ERBB4: variants seen among roughly 807,000 people sequenced by gnomAD.
The protein encoded by ERBB4 is receptor tyrosine-protein kinase erbB-4.
A neutral mutation model predicts 158.0 loss-of-function variants in ERBB4; 42 were observed. The observed-to-expected ratio is 0.27, with a 90% CI of 0.21 to 0.34. The LOEUF (loss-of-function observed/expected upper bound fraction) is 0.34. Ranked by LOEUF, ERBB4 falls within the 10% of genes least tolerant of loss-of-function variation. The probability of loss-of-function intolerance (pLI) is 1.00; values close to 1 mark genes in which losing one functional copy is unlikely to be tolerated. For missense variants in ERBB4, 1,333 were observed against 1,624.1 expected (o/e 0.82, Z 3.08); for synonymous variants, 583 against 558.7 (o/e 1.04, Z -0.61).
chr2:211,649,093 C>T (rs538209287), intron 16 of ERBB4, among the ~76,000 whole-genome samples: 2 of 151,870 alleles, frequency 1.3e-5, no homozygotes, highest in East Asian at 1.9e-4. Context: ...TAGGAGTACA[C>T]GCTTAGATCA....
intron 2 of ERBB4, among the ~76,000 whole-genome samples, chr2:212,061,121 T>C (rs761391775): frequency 2.6e-5 from 4 of 151,698 alleles, no homozygotes; most frequent in Non-Finnish European, 4.4e-5. Flanking sequence ...GAAGTTCCCA[T>C]TGAGGACCAG....
intron 1 of ERBB4, among the ~76,000 whole-genome samples, chr2:212,391,197 T>C (rs1274212876): frequency 6.6e-6 from 1 of 151,806 alleles, no homozygotes; most frequent in African/African-American, 2.4e-5. Flanking sequence ...ATTGTTTCTT[T>C]TAGGCGTTCT....
intron 1 of ERBB4, among the ~76,000 whole-genome samples, chr2:212,524,388 C>T (rs1692335515): frequency 6.6e-6 from 1 of 151,976 alleles, no homozygotes; most frequent in South Asian, 2.1e-4. Context: ...TGCCAGGTAA[C>T]TATTCATTCT....
intron 20 of ERBB4, among the ~76,000 whole-genome samples, chr2:211,558,864 C>T (rs987414759): frequency 2.0e-5 from 3 of 152,074 alleles, no homozygotes; most frequent in Non-Finnish European, 2.9e-5. Context: ...TGGCTAACTA[C>T]ATGTAAGATC....
intron 2 of ERBB4, among the ~76,000 whole-genome samples, chr2:211,966,187 T>C (rs977533837): frequency 6.6e-6 from 1 of 152,152 alleles, no homozygotes. Flanking sequence ...GCACTCCAGC[T>C]TGGGCAACAG....
intron 2 of ERBB4, among the ~76,000 whole-genome samples, chr2:212,054,836 G>A (rs960128113): frequency 5.9e-5 from 9 of 152,298 alleles, no homozygotes; most frequent in African/African-American, 2.2e-4. Flanking sequence ...CAAGATGGCC[G>A]AATAGGAACA....
At position 212,382,236 on chromosome 2, in the gene ERBB4, T is replaced by C. The variant is rs775485241; in HGVS notation, c.82+156213A>G. 5.6e-4 allele frequency among the ~76,000 whole-genome samples: 84 copies of C among 149,794 alleles called. No individual in the cohort carries two copies. In the Middle Eastern group the frequency reaches 0.014, roughly 25 times the overall value. On this transcript the variant is annotated intron_variant, in intron 1 of 27. Transcript: ENST00000342788. ...ACAAATATACACACATACATATATA[T>C]ACACATTATATATTTACTATATATT...
chr2:211,679,035 C>T lies in ERBB4; in HGVS notation c.1622+17G>A. The T allele has an allele frequency of 6.2e-7, 1 of 1,602,724 alleles. No homozygotes were observed. The highest frequency in any genetic ancestry group is 8.5e-7 in the Non-Finnish European group (1 of 1,173,194). ...TCAAAGCTCATGAGGTGAAGGCAAC[C>T]CTAGAAGAAGCCTTACCCATCATAG... On this transcript the variant is annotated intron_variant, in intron 13 of 27. Transcript: ENST00000342788.
chr2:212,376,173 G>A (rs539446562), intron 1 of ERBB4, among the ~76,000 whole-genome samples: 1 of 152,136 alleles, frequency 6.6e-6, no homozygotes, highest in African/African-American at 2.4e-5. Flanking sequence ...AAACCATTGT[G>A]CCCAGATCAG....
chr2:212,272,346 T>C (rs913612400), intron 1 of ERBB4, among the ~76,000 whole-genome samples: 2 of 151,698 alleles, frequency 1.3e-5, no homozygotes, highest in East Asian at 3.9e-4. Flanking sequence ...TTCCCATTTA[T>C]TTTTCCTCTT....
intron 1 of ERBB4, among the ~76,000 whole-genome samples, chr2:212,347,986 A>G (rs1055644906): frequency 2.0e-5 from 3 of 152,084 alleles, no homozygotes; most frequent in African/African-American, 7.2e-5. Context: ...CTATTTTTAT[A>G]TATGTTGGAT....
rs916630124 is a variant in ERBB4, at chr2:211,404,200, T to A, written c.3136-16208A>T. Among the ~76,000 whole-genome samples, 11 of 152,210 alleles carry A rather than the reference T, an allele frequency of 7.2e-5. No homozygotes were observed. In the South Asian group the frequency reaches 2.3e-3, roughly 32 times the overall value. Reference sequence around the variant, plus strand: ...ACCGGAGCTCAACTCTTGATTTATCTCTTTTGTTCCCTCTCCCTTGCTGCC... The same window carrying A: ...ACCGGAGCTCAACTCTTGATTTATCACTTTTGTTCCCTCTCCCTTGCTGCC... On this transcript the variant is annotated intron_variant, in intron 25 of 27. Coordinates refer to ENST00000342788, the MANE Select transcript of ERBB4 (RefSeq NM_005235.3).
At chr2:211,639,836 C>CTA (rs2070505853) in intron 16 of ERBB4, among the ~76,000 whole-genome samples, 1 of 152,104 alleles carries the variant, frequency 6.6e-6, no homozygotes, top group Admixed American at 6.6e-5. Context: ...ACTCTCCTGA[C>CTA]TTAGCCTCCC....
intron 20 of ERBB4, among the ~76,000 whole-genome samples, chr2:211,496,859 T>G (rs1350034335): frequency 6.6e-6 from 1 of 152,130 alleles, no homozygotes; most frequent in Admixed American, 6.5e-5. Context: ...TTCATGCCTT[T>G]TGTCAAGTAT....
At chr2:211,899,420 C>T (rs1209143593) in intron 3 of ERBB4, among the ~76,000 whole-genome samples, 1 of 152,058 alleles carries the variant, frequency 6.6e-6, no homozygotes, top group East Asian at 1.9e-4. Context: ...CTACCAGTAA[C>T]ATTTTATATG....
Position 212,286,262 on chromosome 2 carries a change from A to G in ERBB4, c.83-161359T>C, listed in dbSNP as rs1462203281. On this transcript the variant is annotated intron_variant, in intron 1 of 27. Coordinates refer to ENST00000342788, the MANE Select transcript of ERBB4 (RefSeq NM_005235.3). ...ATGAAATACAACCAATATCAGAAGGAAATTATTTTTTAAAACAGTACAAAT... is the reference window on the plus strand; with the variant it reads ...ATGAAATACAACCAATATCAGAAGGGAATTATTTTTTAAAACAGTACAAAT... Among the ~76,000 whole-genome samples the G allele has an allele frequency of 3.3e-5, 5 of 152,178 alleles. No homozygotes were observed. The South Asian group carries it at 6.2e-4, about 19-fold the overall frequency.
intron 2 of ERBB4, among the ~76,000 whole-genome samples, chr2:211,974,975 A>T (rs1023455148): frequency 7.3e-5 from 11 of 151,500 alleles, no homozygotes; most frequent in Non-Finnish European, 1.6e-4. Context: ...TGAATCAAGA[A>T]ATATTATATC....
intron 1 of ERBB4, among the ~76,000 whole-genome samples, chr2:212,328,151 T>C (rs1159124871): frequency 6.6e-6 from 1 of 151,938 alleles, no homozygotes; most frequent in Non-Finnish European, 1.5e-5. Flanking sequence ...TTTGATGGAT[T>C]CAAGATGGCT....
chr2:211,752,491 GAA>G (rs369728330), intron 4 of ERBB4, among the ~76,000 whole-genome samples: 16 of 119,490 alleles, frequency 1.3e-4, no homozygotes, highest in African/African-American at 2.8e-4. Flanking sequence ...TACCTAACTG[GAA>G]AAAAAAAAAA....
Sources: gnomAD v4.1 joint callset for allele counts (sites outside exome capture counted in the v4.1 genomes callset) on GRCh38, gnomAD v4.1.1 for gene constraint, MANE v1.5 for transcripts, NCBI Gene and HGNC (gene_info 2026-07-23, HGNC 2026-07-21) for gene names.